Variants in RUNX1T1 observed in about 807,000 individuals in gnomAD.
RUNX1T1 encodes RUNX1 partner transcriptional co-repressor 1, also known as protein CBFA2T1.
RUNX1T1 carries 4 observed loss-of-function variants against 62.8 expected under a neutral mutation model. The observed-to-expected ratio is 0.06, with a 90% CI of 0.03 to 0.15. RUNX1T1 has a LOEUF of 0.15. Ranked by LOEUF, RUNX1T1 falls within the 10% of genes least tolerant of loss-of-function variation. The probability of loss-of-function intolerance (pLI) is 1.00; values close to 1 mark genes in which losing one functional copy is unlikely to be tolerated. For synonymous variants in RUNX1T1, 291 were observed against 286.0 expected, an observed-to-expected ratio of 1.02 and a Z score of -0.18; for missense variants, 508 against 754.3, an observed-to-expected ratio of 0.67 and a Z score of 3.82.
chr8:92,005,437 A>G (rs1820569758), intron 4 of RUNX1T1, 140 bp from the exon 6 acceptor site: 1 of 700,534 alleles, frequency 1.4e-6, no homozygotes, highest in African/African-American at 1.8e-5. Flanking sequence ...GGCTGGAACC[A>G]CAGGCACAAT....
chr8:92,038,326 T>C (rs1827805512), intron 1 of RUNX1T1, among the ~76,000 whole-genome samples: 1 of 151,822 alleles, frequency 6.6e-6, no homozygotes, highest in South Asian at 2.1e-4. Context: ...AAAAACTGTA[T>C]AAAAAAGCAT....
chr8:92,063,013 G>A (rs1832321165), upstream of RUNX1T1: 2 of 1,086,196 alleles, frequency 1.8e-6, no homozygotes, highest in Non-Finnish European at 2.3e-6. Flanking sequence ...CCAAAAGATA[G>A]AAATGTAGAC....
In RUNX1T1 at chr8:91,986,190, CT is replaced by C. The variant is rs1204452612; in HGVS notation, c.1131del (p.Gly378ValfsTer22). On this transcript the variant is annotated frameshift_variant, in exon 8 of 11. Coordinates refer to ENST00000396218, the Ensembl canonical transcript of RUNX1T1. LOFTEE classifies it high-confidence loss of function. The stretch of plus-strand genomic sequence containing the variant: ...GAGTGGCTGCTGCTACTGCCGCCAC[CT>C]TTTTTTAAGTCCTCGGCGTCACTGT... 2 of 1,613,966 alleles carry C rather than the reference CT, an allele frequency of 1.2e-6. No homozygotes were observed. The highest frequency in any genetic ancestry group is 1.7e-6 in the Non-Finnish European group (2 of 1,179,940).
chr8:92,101,438 C>T (rs997831710), upstream of RUNX1T1, among the ~76,000 whole-genome samples: 11 of 152,168 alleles, frequency 7.2e-5, no homozygotes, highest in African/African-American at 2.4e-4. Context: ...CACTATTCTG[C>T]AGGACCTCCT....
chr8:92,075,975 T>C, exon 2 of RUNX1T1: 1 of 1,611,252 alleles, frequency 6.2e-7, no homozygotes, highest in Non-Finnish European at 8.5e-7. Flanking sequence ...CTTGACAATA[T>C]TCAAAGTTCC....
At chr8:91,991,357 C>T (rs1019835133) in intron 6 of RUNX1T1, among the ~76,000 whole-genome samples, 2 of 151,914 alleles carry the variant, frequency 1.3e-5, no homozygotes, top group African/African-American at 2.4e-5. Context: ...GCATTTGTTA[C>T]CAACACAACA....
intron 1 of RUNX1T1, among the ~76,000 whole-genome samples, chr8:92,091,714 T>C (rs971476618): frequency 3.3e-5 from 5 of 152,198 alleles, no homozygotes; most frequent in Non-Finnish European, 7.4e-5. Context: ...CAGCTCTCTT[T>C]AAGATATGCC....
At chr8:92,052,073 T>C (rs1830335333) in intron 1 of RUNX1T1, among the ~76,000 whole-genome samples, 1 of 152,118 alleles carries the variant, frequency 6.6e-6, no homozygotes, top group Admixed American at 6.5e-5. Flanking sequence ...CTACACTTAC[T>C]GAAGGCCTAC....
At chr8:92,070,697 A>G (rs1455173451) in intron 2 of RUNX1T1, among the ~76,000 whole-genome samples, 2 of 152,264 alleles carry the variant, frequency 1.3e-5, no homozygotes, top group African/African-American at 4.8e-5. Context: ...TGCAAAGGAC[A>G]GAATCAATTC....
chr8:91,986,458 T>G, intron 7 of RUNX1T1, 133 bp from the exon 9 acceptor site: 1 of 674,646 alleles, frequency 1.5e-6, no homozygotes, highest in Non-Finnish European at 2.6e-6. Flanking sequence ...GTCTAGTATT[T>G]TCTATGACTA....
intron 2 of RUNX1T1, among the ~76,000 whole-genome samples, chr8:92,016,181 C>T (rs1161421957): frequency 2.0e-5 from 3 of 152,146 alleles, no homozygotes; most frequent in Non-Finnish European, 4.4e-5. Context: ...CAATTTCAAC[C>T]AGGACTTTGA....
chr8:92,062,365 G>A (rs1389837634), intron 1 of RUNX1T1, among the ~76,000 whole-genome samples: 1 of 152,134 alleles, frequency 6.6e-6, no homozygotes, highest in Non-Finnish European at 1.5e-5. Context: ...ACCCCTCCAT[G>A]TATCAAGATC....
intron 1 of RUNX1T1, among the ~76,000 whole-genome samples, chr8:92,055,819 C>T (rs147506909): frequency 2.2e-4 from 33 of 152,238 alleles, no homozygotes; most frequent in East Asian, 5.8e-4. Flanking sequence ...ATTTCCTCTA[C>T]GTATTTTGTC....
intron 2 of RUNX1T1, among the ~76,000 whole-genome samples, chr8:92,016,042 T>C (rs892611832): frequency 3.3e-5 from 5 of 152,222 alleles, no homozygotes; most frequent in Non-Finnish European, 7.3e-5. Flanking sequence ...CGTACTTTGC[T>C]AATCCCTTAT....
At chr8:91,976,593 C>G (rs1408486886) in intron 8 of RUNX1T1, among the ~76,000 whole-genome samples, 2 of 152,188 alleles carry the variant, frequency 1.3e-5, no homozygotes, top group Non-Finnish European at 2.9e-5. Flanking sequence ...TTAGCCCATG[C>G]TTTCCAGAAA....
intron 1 of RUNX1T1, among the ~76,000 whole-genome samples, chr8:92,040,783 C>T (rs1313066920): frequency 2.0e-5 from 3 of 152,116 alleles, no homozygotes; most frequent in Admixed American, 6.5e-5. Context: ...CATGTGCCTA[C>T]AGTCACAGCT....
intron 5 of RUNX1T1, among the ~76,000 whole-genome samples, chr8:91,996,248 C>T (rs1490502533): frequency 6.6e-6 from 1 of 152,020 alleles, no homozygotes; most frequent in East Asian, 1.9e-4. Flanking sequence ...GTCGCCCAGC[C>T]TGGAGTGCAG....
intron 1 of RUNX1T1, among the ~76,000 whole-genome samples, chr8:92,050,169 AAGAAGAAGAAATCAG>A (rs1401332938): frequency 2.6e-5 from 4 of 152,210 alleles, no homozygotes; most frequent in Non-Finnish European, 5.9e-5. Context: ...CATTTTTGTT[AAGAAGAAGAAATCAG>A]GGGGAGGAAA....
At chr8:92,046,178 G>A (rs1164394108) in intron 1 of RUNX1T1, among the ~76,000 whole-genome samples, 2 of 152,050 alleles carry the variant, frequency 1.3e-5, no homozygotes, top group African/African-American at 4.8e-5. Flanking sequence ...CTTTTAATAT[G>A]TTCATGGATA....
Sources: gnomAD v4.1 joint callset for allele counts (sites outside exome capture counted in the v4.1 genomes callset) on GRCh38, gnomAD v4.1.1 for gene constraint, MANE v1.5 for transcripts, NCBI Gene and HGNC (gene_info 2026-07-23, HGNC 2026-07-21) for gene names.